The following KIF14 variants were observed in gnomAD, a reference collection of about 807,000 sequenced individuals.
KIF14 encodes kinesin-like protein KIF14.
Under a neutral mutation model 176.2 loss-of-function variants are expected in KIF14, and 98 were observed. That is an observed-to-expected ratio of 0.56 (90% confidence interval 0.47 to 0.66). The LOEUF is 0.66. Among genes scored for constraint, KIF14 ranks in the 30% least tolerant of loss-of-function variants. The probability of loss-of-function intolerance (pLI) is 0.00; values close to 1 mark genes in which losing one functional copy is unlikely to be tolerated. For missense variants in KIF14, 1,751 were observed against 1,920.4 expected (o/e 0.91, Z 1.65); for synonymous variants, 566 against 632.2 (o/e 0.90, Z 1.57).
chr1:200,608,626 G>C (rs1051847372), intron 5 of KIF14, among the ~76,000 whole-genome samples: 1 of 152,134 alleles, frequency 6.6e-6, no homozygotes. Context: ...GCCTCCCAAA[G>C]TGCTGGGATT....
At chr1:200,570,548 C>A (rs760102037) in intron 22 of KIF14, among the ~76,000 whole-genome samples, 1 of 152,060 alleles carries the variant, frequency 6.6e-6, no homozygotes, top group Non-Finnish European at 1.5e-5. Context: ...AGTGTACATG[C>A]GAAGAACCAA....
intron 19 of KIF14, among the ~76,000 whole-genome samples, chr1:200,583,216 T>A (rs1474737528): frequency 6.6e-6 from 1 of 151,192 alleles, no homozygotes; most frequent in African/African-American, 2.4e-5. Context: ...TTCAAACAAA[T>A]CAAGTTTTTT....
At position 200,553,250 on chromosome 1, in the gene KIF14, A is replaced by G; in HGVS notation, c.*138T>C. 1 of 925,860 alleles carries G rather than the reference A, an allele frequency of 1.1e-6. No individual in the cohort carries two copies. The highest frequency in any genetic ancestry group is 1.6e-6 in the Non-Finnish European group (1 of 634,958). The allele number at this position is 925,860 out of a possible 1,614,324, so 57.4% of individuals were successfully genotyped here. On this transcript the variant is annotated 3_prime_UTR_variant, in exon 30 of 30. Transcript: ENST00000367350. Reference sequence around the variant, plus strand: ...TGTGTCTGGCCTTTGATAAATAGATATTTTAAAGATAAAAAGACATGGACT... The same window carrying G: ...TGTGTCTGGCCTTTGATAAATAGATGTTTTAAAGATAAAAAGACATGGACT...
chr1:200,562,571 G>A (rs548643273), intron 25 of KIF14, among the ~76,000 whole-genome samples: 1 of 152,246 alleles, frequency 6.6e-6, no homozygotes, highest in East Asian at 1.9e-4. Context: ...CACTATTCTA[G>A]TACTGCCTCT....
chr1:200,585,824 C>T (rs908694934), intron 19 of KIF14, among the ~76,000 whole-genome samples: 1 of 152,166 alleles, frequency 6.6e-6, no homozygotes, highest in Non-Finnish European at 1.5e-5. Flanking sequence ...CAAAGACCTC[C>T]ACTTCCTAAC....
chr1:200,564,930 A>C, intron 25 of KIF14, 139 bp downstream of exon 25: 1 of 637,138 alleles, frequency 1.6e-6, no homozygotes, highest in Non-Finnish European at 2.7e-6. Context: ...ATTACAGACA[A>C]CCACAGTCTC....
intron 19 of KIF14, among the ~76,000 whole-genome samples, chr1:200,583,855 T>C (rs1658591734): frequency 1.3e-5 from 2 of 151,306 alleles, no homozygotes; most frequent in Non-Finnish European, 2.9e-5. Flanking sequence ...AGCAGGAGAA[T>C]CGCTTGAGCC....
At chr1:200,618,941 T>C (rs1660553337) in intron 1 of KIF14, 103 bp from the exon 2 acceptor site, 2 of 453,160 alleles carry the variant, frequency 4.4e-6, no homozygotes, top group Non-Finnish European at 7.8e-6. Flanking sequence ...AGGCATACAT[T>C]ACAATAGATC....
chr1:200,581,851 C>T (rs1658481021), intron 19 of KIF14, among the ~76,000 whole-genome samples: 1 of 147,790 alleles, frequency 6.8e-6, no homozygotes. Context: ...TCACTGCAGC[C>T]TTGACCTCCC....
Position 200,554,497 on chromosome 1 carries a change from G to T in KIF14, c.4538C>A (p.Ala1513Asp), listed in dbSNP as rs1164879029. 6.5e-7 allele frequency: 1 copy of T among 1,537,140 alleles called. No homozygotes were observed. The highest frequency in any genetic ancestry group is 2.3e-5 in the East Asian group (1 of 44,022). Residue 1513 changes from alanine (A) to aspartate (D), a missense_variant, in exon 29 of 30, where the codon GCT becomes GAT. Transcript: ENST00000367350. ...FLKLKHCLEKAIEIIISALKG... is the reference protein window; with the variant it reads ...FLKLKHCLEKDIEIIISALKG... Reference sequence around the variant, plus strand: ...CAGTGCAGAAATAATAATTTCAATAGCTTTCTCTAAGCAATGTTTTAACTT... The same window carrying T: ...CAGTGCAGAAATAATAATTTCAATATCTTTCTCTAAGCAATGTTTTAACTT...
chr1:200,602,522 T>C (rs984542185), intron 10 of KIF14, among the ~76,000 whole-genome samples: 11 of 152,210 alleles, frequency 7.2e-5, no homozygotes, highest in African/African-American at 2.7e-4. Context: ...CATATATTAG[T>C]GCAGAATGAA....
intron 4 of KIF14, among the ~76,000 whole-genome samples, chr1:200,612,810 A>G (rs541071081): frequency 1.3e-5 from 2 of 151,686 alleles, no homozygotes; most frequent in South Asian, 2.1e-4. Context: ...ATAATCAGCA[A>G]GTCTTACCAG....
intron 22 of KIF14, among the ~76,000 whole-genome samples, chr1:200,574,776 T>C (rs1363287146): frequency 6.6e-6 from 1 of 152,010 alleles, no homozygotes; most frequent in Non-Finnish European, 1.5e-5. Flanking sequence ...ACTATGGAGG[T>C]CTTTTATGTT....
At chr1:200,592,298 A>T (rs763425545) in intron 15 of KIF14, 58 bp from the exon 16 acceptor site, 17 of 1,419,348 alleles carry the variant, frequency 1.2e-5, no homozygotes, top group Non-Finnish European at 1.5e-5. Context: ...AAATTAAATG[A>T]GAAAATTTAT....
At chr1:200,602,327 A>G (rs1659667259) in intron 10 of KIF14, among the ~76,000 whole-genome samples, 2 of 152,198 alleles carry the variant, frequency 1.3e-5, no homozygotes, top group African/African-American at 2.4e-5. Flanking sequence ...CAAGTATTTC[A>G]TGACTGTGAG....
chr1:200,563,237 GTCTT>G (rs1657259161), intron 25 of KIF14, among the ~76,000 whole-genome samples: 1 of 152,186 alleles, frequency 6.6e-6, no homozygotes, highest in Admixed American at 6.5e-5. Flanking sequence ...AATGTGGAAA[GTCTT>G]TCGGTGGGCA....
At chr1:200,615,233 G>T in intron 3 of KIF14, 122 bp downstream of exon 3, 2 of 1,040,734 alleles carry the variant, frequency 1.9e-6, no homozygotes, top group South Asian at 3.3e-5. Context: ...ATATAAAATG[G>T]ATGAGATTTG....
At chr1:200,564,260 C>CAAAAAAA (rs57025286) in intron 25 of KIF14, among the ~76,000 whole-genome samples, 3 of 66,320 alleles carry the variant, frequency 4.5e-5, no homozygotes, top group East Asian at 3.9e-4. Flanking sequence ...GACTCCAGCT[C>CAAAAAAA]AAAAAAAAAA....
In KIF14 at chr1:200,565,139, A is replaced by T. The variant is rs1235178787; in HGVS notation, c.4001T>A (p.Ile1334Lys). ...TCTCAACTCATCCTCAAGTCTTGCT[A>T]TGTTGGTACAAGGCAGTAAATCACT... ...WLSDLLPCTNIARLEDELRQE... is the reference protein window; with the variant it reads ...WLSDLLPCTNKARLEDELRQE... The change falls in exon 25 of 30, where the codon ATA becomes AAA. Residue 1334 changes from isoleucine (I) to lysine (K), a missense_variant. Transcript: ENST00000367350. The T allele has an allele frequency of 1.2e-6, 2 of 1,613,742 alleles. No homozygotes were observed. Among genetic ancestry groups the T allele is most frequent in the African/African-American group, 2.7e-5 (2 of 74,940 alleles).
Sources: allele counts gnomAD v4.1 joint callset (sites outside exome capture counted in the v4.1 genomes callset), GRCh38; gene constraint gnomAD v4.1.1; transcripts MANE v1.5; gene names NCBI Gene and HGNC (gene_info 2026-07-23, HGNC 2026-07-21).